Variants in DCC observed in about 807,000 individuals in gnomAD.
DCC encodes DCC netrin 1 receptor, also known as netrin receptor DCC.
In DCC, 58 loss-of-function variants were observed where a neutral mutation model predicts 172.5. The ratio of observed to expected loss-of-function variants is 0.34; its 90% confidence interval spans 0.27 to 0.42. The LOEUF is 0.42. Ranked by LOEUF, DCC falls within the 10% of genes least tolerant of loss-of-function variation. The pLI is 1.00. For synonymous variants in DCC, 709 were observed against 644.5 expected (o/e 1.10, Z -1.52); for missense variants, 1,740 against 1,791.0 (o/e 0.97, Z 0.51).
chr18:53,226,980 C>T (rs867792424), intron 12 of DCC, among the ~76,000 whole-genome samples: 15 of 77,014 alleles, frequency 1.9e-4, no homozygotes, highest in East Asian at 1.5e-3. Context: ...GGCAGAGTCT[C>T]GCTCTGTCAC....
intron 7 of DCC, among the ~76,000 whole-genome samples, chr18:53,155,358 G>A (rs1466647718): frequency 1.3e-5 from 2 of 152,084 alleles, no homozygotes; most frequent in African/African-American, 4.8e-5. Context: ...TTTTATATCC[G>A]CAAATGGGTA....
At chr18:52,504,369 A>G (rs763040485) in intron 1 of DCC, among the ~76,000 whole-genome samples, 3 of 152,178 alleles carry the variant, frequency 2.0e-5, no homozygotes, top group Non-Finnish European at 4.4e-5. Flanking sequence ...ACATACTGGT[A>G]ACTAGTGACT....
chr18:52,893,896 A>G (rs547102369), intron 2 of DCC, among the ~76,000 whole-genome samples: 1 of 130,498 alleles, frequency 7.7e-6, no homozygotes, highest in Admixed American at 7.4e-5. Flanking sequence ...CACAAGGCTT[A>G]TAATACAATT....
At chr18:52,602,205 C>T (rs2034031092) in intron 1 of DCC, among the ~76,000 whole-genome samples, 1 of 152,072 alleles carries the variant, frequency 6.6e-6, no homozygotes, top group African/African-American at 2.4e-5. Context: ...TCCTGAAAGT[C>T]TCTTTGGTTA....
In DCC at chr18:52,509,172, G is replaced by A. The variant is rs528552070; in HGVS notation, c.91+168294G>A. 2.6e-5 allele frequency among the ~76,000 whole-genome samples: 4 copies of A among 152,264 alleles called. No homozygotes were observed. The South Asian group carries it at 8.3e-4, about 32-fold the overall frequency. On this transcript the variant is annotated intron_variant, in intron 1 of 28. Transcript: ENST00000442544. ...GAAAATTTTGCATTTGAATTGAAATGTGTTGTAAATGTAAAAATATAGTAA... is the reference window on the plus strand; with the variant it reads ...GAAAATTTTGCATTTGAATTGAAATATGTTGTAAATGTAAAAATATAGTAA...
At chr18:53,082,667 A>G (rs2042823273) in intron 7 of DCC, among the ~76,000 whole-genome samples, 1 of 152,138 alleles carries the variant, frequency 6.6e-6, no homozygotes, top group African/African-American at 2.4e-5. Context: ...AAATCTATTT[A>G]CTAGCTCTTG....
chr18:53,015,399 A>C (rs1177472526), intron 5 of DCC, among the ~76,000 whole-genome samples: 1 of 152,166 alleles, frequency 6.6e-6, no homozygotes. Flanking sequence ...ATACAAATGC[A>C]ATTTTAGATT....
intron 1 of DCC, among the ~76,000 whole-genome samples, chr18:52,451,278 G>T (rs1988295434): frequency 6.6e-6 from 1 of 152,122 alleles, no homozygotes; most frequent in Non-Finnish European, 1.5e-5. Context: ...CATCAAGCTT[G>T]GTTATCTTGT....
intron 1 of DCC, among the ~76,000 whole-genome samples, chr18:52,436,237 T>G (rs1346764724): frequency 1.3e-5 from 2 of 152,250 alleles, no homozygotes; most frequent in African/African-American, 4.8e-5. Flanking sequence ...CCAAGTAATA[T>G]ATGTGACTAT....
chr18:52,710,995 A>G (rs2036283264), intron 1 of DCC, among the ~76,000 whole-genome samples: 1 of 152,188 alleles, frequency 6.6e-6, no homozygotes, highest in Non-Finnish European at 1.5e-5. Context: ...TTTATGTGAT[A>G]GGTTTGGAGA....
rs1046603290 is a variant in DCC at position 52,340,338 on chromosome 18, C to A, written c.-450C>A. The A allele has an allele frequency of 5.0e-6, 1 of 200,548 alleles. No homozygotes were observed. The highest frequency in any genetic ancestry group is 2.3e-5 in the African/African-American group (1 of 43,536). The allele number at this position is 200,548 out of a possible 1,614,324, so 12.4% of individuals were successfully genotyped here. ...CTCTCGCGCGGAATTGTCTCTTCAA[C>A]TTTACCCAACCGACGACAAGGAACC... On this transcript the variant is annotated 5_prime_UTR_variant, in exon 1 of 29. Coordinates refer to ENST00000442544, the MANE Select transcript of DCC (RefSeq NM_005215.4).
intron 5 of DCC, among the ~76,000 whole-genome samples, chr18:53,038,558 CTCTT>C (rs1174470281): frequency 6.6e-6 from 1 of 152,030 alleles, no homozygotes; most frequent in Non-Finnish European, 1.5e-5. Context: ...AACTTTCTCT[CTCTT>C]ATCCTCAAAA....
intron 3 of DCC, among the ~76,000 whole-genome samples, chr18:52,914,439 T>C (rs1297418446): frequency 1.3e-5 from 2 of 152,144 alleles, no homozygotes; most frequent in Non-Finnish European, 2.9e-5. Context: ...AGAGGGAATG[T>C]CATTTTTAGT....
chr18:53,192,727 G>A (rs545481056), intron 9 of DCC, among the ~76,000 whole-genome samples: 1 of 152,330 alleles, frequency 6.6e-6, no homozygotes, highest in South Asian at 2.1e-4. Flanking sequence ...TAGGTTATGA[G>A]TGTTCATACA....
chr18:52,910,249 G>C (rs916787845), intron 3 of DCC, among the ~76,000 whole-genome samples: 2 of 152,120 alleles, frequency 1.3e-5, no homozygotes, highest in African/African-American at 2.4e-5. Context: ...AAGCTGGTTA[G>C]TAGCATTTTT....
intron 1 of DCC, among the ~76,000 whole-genome samples, chr18:52,344,544 C>CATATAAAA (rs1983797564): frequency 1.3e-5 from 2 of 152,178 alleles, no homozygotes; most frequent in Non-Finnish European, 2.9e-5. Flanking sequence ...ATGTTTGCAG[C>CATATAAAA]TGCACGCAGT....
chr18:53,112,970 A>G (rs1268045062), intron 7 of DCC, among the ~76,000 whole-genome samples: 1 of 151,542 alleles, frequency 6.6e-6, no homozygotes, highest in Admixed American at 6.6e-5. Flanking sequence ...TAAAAACATC[A>G]TCCTCTTTCC....
chr18:53,292,847 C>T (rs2144753384), intron 12 of DCC, among the ~76,000 whole-genome samples: 1 of 152,260 alleles, frequency 6.6e-6, no homozygotes, highest in South Asian at 2.1e-4. Flanking sequence ...ACCAGAATCA[C>T]TCCATTTATT....
rs1332718313 is a variant in DCC at position 53,534,221 on chromosome 18, A to C, written c.*3568A>C. ...CATTTTAGATAAAATTGTGTCCCAG[A>C]ATTCTTATGGTTTCGGAATGTACAT... On this transcript the variant is annotated 3_prime_UTR_variant, in exon 29 of 29. Coordinates refer to ENST00000442544, the MANE Select transcript of DCC (RefSeq NM_005215.4). The C allele has an allele frequency of 1.3e-5, 2 of 152,210 alleles. No individual in the cohort carries two copies. The highest frequency in any genetic ancestry group is 2.9e-5 in the Non-Finnish European group (2 of 68,030). 9.4% of individuals were successfully genotyped at this position (152,210 alleles called of 1,614,324 possible).
Sources: allele counts gnomAD v4.1 joint callset (sites outside exome capture counted in the v4.1 genomes callset), GRCh38; gene constraint gnomAD v4.1.1; transcripts MANE v1.5; gene names NCBI Gene and HGNC (gene_info 2026-07-23, HGNC 2026-07-21).